Variants in MAMDC4 observed in about 807,000 individuals in gnomAD.
The protein encoded by MAMDC4 is MAM domain containing 4, also known as apical endosomal glycoprotein.
A neutral mutation model predicts 153.3 loss-of-function variants in MAMDC4; 168 were observed. The ratio of observed to expected loss-of-function variants is 1.10; its 90% confidence interval spans 0.97 to 1.25. The LOEUF (loss-of-function observed/expected upper bound fraction) is 1.25, where lower values mean the gene tolerates loss of function less well. MAMDC4 is among the 50% of genes most tolerant of loss of function. The pLI is 0.00. For missense variants in MAMDC4, 1,701 were observed against 1,542.8 expected, an observed-to-expected ratio of 1.10 and a Z score of -1.72; for synonymous variants, 744 against 651.5, an observed-to-expected ratio of 1.14 and a Z score of -2.16.
At position 136,853,811 on chromosome 9, in the gene MAMDC4, C is replaced by T. The variant is rs951812180; in HGVS notation, c.489C>T (p.Gly163=). The T allele has an allele frequency of 6.6e-5, 106 of 1,611,914 alleles. No homozygotes were observed. The highest frequency in any genetic ancestry group is 8.7e-5 in the Non-Finnish European group (103 of 1,179,604). The change falls in exon 5 of 27, where the codon GGC becomes GGT. Residue 163 remains glycine (G), a synonymous_variant. Coordinates refer to ENST00000317446, the MANE Select transcript of MAMDC4 (RefSeq NM_206920.3). ...VAELRVELTH[G]AETLTLWQST... ...AACTGCGGGTGGAGCTGACCCATGG[C>T]GCAGAGACCCTGACCCTGTGGCAGA...
chr9:136,852,629 G>A (rs1348116077), intron 1 of MAMDC4, among the ~76,000 whole-genome samples, 167 bp downstream of exon 1: 6 of 152,206 alleles, frequency 3.9e-5, no homozygotes, highest in African/African-American at 1.4e-4. Flanking sequence ...CCTGGAATCA[G>A]CCCATGGGGT....
At chr9:136,855,924 C>T in intron 13 of MAMDC4, 76 bp downstream of exon 13, 1 of 1,524,338 alleles carries the variant, frequency 6.6e-7, no homozygotes, top group Non-Finnish European at 8.8e-7. Flanking sequence ...TGCTCTGCCT[C>T]TGCACTACAG....
intron 14 of MAMDC4, 80 bp downstream of exon 14, chr9:136,856,229 C>A: frequency 6.2e-7 from 1 of 1,602,854 alleles, no homozygotes; most frequent in Middle Eastern, 1.7e-4. Flanking sequence ...GCCGGGTGAC[C>A]CACAGTGCCC....
intron 8 of MAMDC4, 23 bp downstream of exon 8, chr9:136,854,699 C>T (rs1288909391): frequency 2.5e-6 from 4 of 1,611,578 alleles, no homozygotes; most frequent in Non-Finnish European, 3.4e-6. Flanking sequence ...GAGGACCCGG[C>T]CCAGGCCCTG....
chr9:136,854,760 A>G lies in MAMDC4; in HGVS notation c.935-2A>G, dbSNP rs553215710. The G allele has an allele frequency of 2.7e-5, 44 of 1,612,696 alleles. No individual in the cohort carries two copies. In the South Asian group the frequency reaches 4.3e-4, roughly 16 times the overall value. Reference sequence around the variant, plus strand: ...CTGGCCCACTCCCGTCCTTTCCCGCAGGCTCCTTCCTGGTCTCCGTGGCCG... The same window carrying G: ...CTGGCCCACTCCCGTCCTTTCCCGCGGGCTCCTTCCTGGTCTCCGTGGCCG... On this transcript the variant is annotated splice_acceptor_variant, in intron 8 of 26. Transcript: ENST00000317446. LOFTEE classifies it high-confidence loss of function.
At chr9:136,855,209 CA>C (rs1848986292) in intron 10 of MAMDC4, 44 bp from the exon 11 acceptor site, 4 of 1,579,160 alleles carry the variant, frequency 2.5e-6, no homozygotes, top group Non-Finnish European at 2.6e-6. Context: ...GACCAGACCC[CA>C]GGGGGAAATA....
At position 136,855,130 on chromosome 9, in the gene MAMDC4, T is replaced by G; in HGVS notation, c.1197+20T>G. The G allele has an allele frequency of 6.4e-7, 1 of 1,564,272 alleles. No individual in the cohort carries two copies. Among genetic ancestry groups the G allele is most frequent in the Non-Finnish European group, 8.7e-7 (1 of 1,155,268 alleles). ...TTCCAGGTAGGGAACAGCAAGAGGG[T>G]GGGGTCTGGGGAGCCGCACTGTGGG... On this transcript the variant is annotated intron_variant, in intron 10 of 26. Transcript: ENST00000317446.
At position 136,857,255 on chromosome 9, in the gene MAMDC4, G is replaced by A. The variant is rs1442706750; in HGVS notation, c.2063G>A (p.Trp688Ter). The A allele has an allele frequency of 6.2e-7, 1 of 1,604,292 alleles. No individual in the cohort carries two copies. Among genetic ancestry groups the A allele is most frequent in the Non-Finnish European group, 8.5e-7 (1 of 1,176,026 alleles). The change falls in exon 17 of 27, where the codon TGG becomes TAG. Residue 688 changes from tryptophan (W) to a stop codon, truncating the protein, a stop_gained. Transcript: ENST00000317446. LOFTEE classifies it high-confidence loss of function. ...GTQGNRWHEAWATLSHQPGSH... is the reference protein window; with the variant it reads ...GTQGNRWHEA ...CAGGGCAACCGCTGGCACGAGGCCT[G>A]GGCCACCCTTTCCCACCAGCCTGGC...
In MAMDC4 at chr9:136,858,013, G is replaced by A; in HGVS notation, c.2499G>A (p.Arg833=). 6.6e-7 allele frequency: 1 copy of A among 1,525,140 alleles called. No individual in the cohort carries two copies. Among genetic ancestry groups the A allele is most frequent in the South Asian group, 1.2e-5 (1 of 83,426 alleles). The allele number at this position is 1,525,140 out of a possible 1,614,324, so 94.5% of individuals were successfully genotyped here. A position where few individuals can be genotyped will look rare whatever the true frequency, so the allele number is the denominator to read the frequency against. ...TLRVYLEERG[R]HQVLSLSAHG... ...GGGTCTACCTGGAGGAGCGCGGGAG[G>A]CACCAGGTGCTCAGCCTCAGTGCCC... Residue 833 remains arginine, a synonymous_variant, in exon 20 of 27, where the codon AGG becomes AGA. Coordinates refer to ENST00000317446, the MANE Select transcript of MAMDC4 (RefSeq NM_206920.3).
Position 136,855,103 on chromosome 9 carries a change from C to T in MAMDC4, c.1190C>T (p.Pro397Leu), listed in dbSNP as rs777438644. The T allele has an allele frequency of 6.3e-7, 1 of 1,575,300 alleles. No homozygotes were observed. The highest frequency in any genetic ancestry group is 8.6e-7 in the Non-Finnish European group (1 of 1,160,868). The change falls in exon 10 of 27, where the codon CCC (proline) becomes CTC (leucine). Residue 397 changes from proline to leucine, a missense_variant. Physicochemically the swap from Pro to Leu is moderately conservative, Grantham distance 98. Coordinates refer to ENST00000317446, the MANE Select transcript of MAMDC4 (RefSeq NM_206920.3). ...CGTGTTGACATCCAGAGCGCCTACC[C>T]CTTCCAGGTAGGGAACAGCAAGAGG... is the stretch of plus-strand genomic sequence containing the variant. ...RDRVDIQSAY[P>L]FQILLAGQTG... is the part of the protein sequence containing the mutation.
Position 136,858,191 on chromosome 9 carries a change from G to A in MAMDC4, c.2589G>A (p.Val863=). The change falls in exon 21 of 27, where the codon GTG becomes GTA. Residue 863 remains valine (V), a synonymous_variant. Transcript: ENST00000317446. ...CCCTGCCCTGCACCCGCCAGGTGGT[G>A]TTTGAGGCAGTGGCCGCAGGCGTGG... is the stretch of plus-strand genomic sequence containing the variant. ...DVQAERAWRV[V]FEAVAAGVAH... The A allele has an allele frequency of 2.5e-6, 4 of 1,590,716 alleles. No homozygotes were observed. The highest frequency in any genetic ancestry group is 3.4e-6 in the Non-Finnish European group (4 of 1,173,296).
At position 136,857,154 on chromosome 9, in the gene MAMDC4, C is replaced by T. The variant is rs1368979697; in HGVS notation, c.1973-11C>T. The T allele has an allele frequency of 2.5e-6, 4 of 1,612,244 alleles. No homozygotes were observed. The highest frequency in any genetic ancestry group is 3.4e-6 in the Non-Finnish European group (4 of 1,179,708). On this transcript the variant is annotated splice_polypyrimidine_tract_variant and intron_variant, in intron 16 of 26. Transcript: ENST00000317446. ...AGAGAGGTCAGTTATGGACTGGTCC[C>T]CTCCCTGCAGGGACTCTGCGCCTAG...
Position 136,853,875 on chromosome 9 carries a change from G to A in MAMDC4, c.553G>A (p.Val185Met), listed in dbSNP as rs768632754. 6.2e-6 allele frequency: 10 copies of A among 1,612,688 alleles called. No homozygotes were observed. The highest frequency in any genetic ancestry group is 5.9e-6 in the Non-Finnish European group (7 of 1,179,862). The change falls in exon 5 of 27, where the codon GTG (valine) becomes ATG (methionine). Residue 185 changes from valine to methionine, a missense_variant. Transcript: ENST00000317446. ...PWGPGWQELA[V>M]TTGRIRGDFR... The stretch of plus-strand genomic sequence containing the variant: ...GGGCCCTGGCTGGCAGGAGTTGGCA[G>A]TGACCACAGGCCGCATCCGGGGTGA...
chr9:136,853,526 G>A lies in MAMDC4; in HGVS notation c.329-19G>A, dbSNP rs765081716. On this transcript the variant is annotated intron_variant, in intron 3 of 26. Coordinates refer to ENST00000317446, the MANE Select transcript of MAMDC4 (RefSeq NM_206920.3). ...CTCCTTGCTCCCTGCCCCGTCTCCT[G>A]ACCTCTCACCTGCGCCAGGCTGGTA... is the stretch of plus-strand genomic sequence containing the variant. The A allele has an allele frequency of 6.2e-7, 1 of 1,612,554 alleles. No individual in the cohort carries two copies.
At chr9:136,857,076 GGAGGCCCCCGGGGGTTCA>G (rs769019579) in intron 16 of MAMDC4, 35 bp downstream of exon 16, 2 of 1,603,966 alleles carry the variant, frequency 1.2e-6, no homozygotes, top group South Asian at 2.2e-5. Context: ...GAGCCTGTGG[GGAGGCCCCCGGGGGTTCA>G]GAGTCCCCCG....
At chr9:136,856,579 C>A in intron 14 of MAMDC4, 131 bp from the exon 15 acceptor site, 2 of 876,356 alleles carry the variant, frequency 2.3e-6, no homozygotes, top group Non-Finnish European at 3.9e-6. Context: ...GACAGAGGTT[C>A]CTGCTGCCCA....
Position 136,855,613 on chromosome 9 carries a change from G to A in MAMDC4, c.1465G>A (p.Ala489Thr), listed in dbSNP as rs1240727958. 1 of 1,578,814 alleles carries A rather than the reference G, an allele frequency of 6.3e-7. No homozygotes were observed. The highest frequency in any genetic ancestry group is 8.6e-7 in the Non-Finnish European group (1 of 1,161,590). Residue 489 changes from alanine to threonine, a missense_variant, in exon 12 of 27, where the codon GCC (alanine) becomes ACC (threonine). Ala to Thr is a moderately conservative substitution (Grantham distance 58). Coordinates refer to ENST00000317446, the MANE Select transcript of MAMDC4 (RefSeq NM_206920.3). Reference sequence around the variant, plus strand: ...GTGCGCAGGGGGCGAGGACGAGCAGGCCTGTGGTAAAGGGGCTCAACCTCC... The same window carrying A: ...GTGCGCAGGGGGCGAGGACGAGCAGACCTGTGGTAAAGGGGCTCAACCTCC... ...EQCAGGEDEQ[A>T]CGTTDFESPE... is the part of the protein sequence containing the mutation.
At chr9:136,852,873 C>T (rs141782357) in intron 1 of MAMDC4, among the ~76,000 whole-genome samples, 2,156 of 152,296 alleles carry the variant, frequency 0.014, 56 homozygotes, top group African/African-American at 0.05. Flanking sequence ...TGCCCCATGG[C>T]CGGGTCCCCC....
intron 25 of MAMDC4, chr9:136,859,572 T>C: frequency 1.7e-6 from 1 of 589,234 alleles, no homozygotes; most frequent in Non-Finnish European, 3.0e-6. Flanking sequence ...GCCTCTGTGC[T>C]CCCTGTGCCC....
Sources: allele counts gnomAD v4.1 joint callset (sites outside exome capture counted in the v4.1 genomes callset), GRCh38; gene constraint gnomAD v4.1.1; transcripts MANE v1.5; gene names NCBI Gene and HGNC (gene_info 2026-07-23, HGNC 2026-07-21).